The following ALPK1 variants were observed in gnomAD, a reference collection of about 807,000 sequenced individuals.
ALPK1 encodes the protein alpha-protein kinase 1.
ALPK1 carries 110 observed loss-of-function variants against 120.6 expected under a neutral mutation model. The ratio of observed to expected loss-of-function variants is 0.91; its 90% CI spans 0.78 to 1.07. The LOEUF (loss-of-function observed/expected upper bound fraction) is 1.07. ALPK1 is among the 50% of genes least tolerant of loss of function. The pLI is 0.00. For synonymous variants in ALPK1, 582 were observed against 560.3 expected, an observed-to-expected ratio of 1.04 and a Z score of -0.55; for missense variants, 1,498 against 1,483.9, an observed-to-expected ratio of 1.01 and a Z score of -0.16.
intron 4 of ALPK1, among the ~76,000 whole-genome samples, chr4:112,390,566 T>C (rs1162394121): frequency 2.0e-5 from 3 of 152,174 alleles, no homozygotes; most frequent in Admixed American, 6.5e-5. Context: ...TTAAAATGCA[T>C]ACCTTCAAAG....
chr4:112,312,770 T>A (rs963812512), intron 1 of ALPK1, among the ~76,000 whole-genome samples: 1 of 152,246 alleles, frequency 6.6e-6, no homozygotes, highest in African/African-American at 2.4e-5. Context: ...TTAGTTATTA[T>A]GCAACAGACA....
At chr4:112,347,552 G>A (rs1404705051) in intron 2 of ALPK1, among the ~76,000 whole-genome samples, 3 of 152,180 alleles carry the variant, frequency 2.0e-5, no homozygotes, top group African/African-American at 7.2e-5. Context: ...AACTCATCCT[G>A]TGGGTCAGAA....
intron 2 of ALPK1, among the ~76,000 whole-genome samples, chr4:112,363,162 A>G (rs943740766): frequency 1.3e-5 from 2 of 152,234 alleles, no homozygotes; most frequent in African/African-American, 4.8e-5. Context: ...CAGGACCTAT[A>G]AAACCGTAAC....
At position 112,441,029 on chromosome 4, in the gene ALPK1, C is replaced by A; in HGVS notation, c.3651C>A (p.Phe1217Leu). ...TTGGAAAGAGAGGAATTTTTTACTTCTTTAATAACCAGCATGTGGAATGTA... is the reference window on the plus strand; with the variant it reads ...TTGGAAAGAGAGGAATTTTTTACTTATTTAATAACCAGCATGTGGAATGTA... ...TNFGKRGIFY[F>L]FNNQHVECNE... The change falls in exon 15 of 16, where the codon TTC becomes TTA. Residue 1217 changes from phenylalanine (F) to leucine (L), a missense_variant. Transcript: ENST00000650871. The A allele has an allele frequency of 6.2e-7, 1 of 1,613,968 alleles. No individual in the cohort carries two copies. The highest frequency in any genetic ancestry group is 8.5e-7 in the Non-Finnish European group (1 of 1,179,912).
chr4:112,318,793 T>G (rs1159526445), intron 2 of ALPK1, among the ~76,000 whole-genome samples: 2 of 152,204 alleles, frequency 1.3e-5, no homozygotes, highest in Non-Finnish European at 2.9e-5. Flanking sequence ...CACAGTCTAC[T>G]GGGAGACAGT....
rs1247985216 is a variant in ALPK1 at position 112,441,943 on chromosome 4, ATGAAGAGATACC to A, written c.*737_*748del. On this transcript the variant is annotated 3_prime_UTR_variant, in exon 16 of 16. Transcript: ENST00000650871. Reference sequence around the variant, plus strand: ...TGTATTAATCCACTCTCACACTGCTATGAAGAGATACCTGAGACTGGGTAATTTAGAAAGAAA... The same window carrying A: ...TGTATTAATCCACTCTCACACTGCTATGAGACTGGGTAATTTAGAAAGAAA... 6.6e-6 allele frequency: 1 copy of A among 152,362 alleles called. No individual in the cohort carries two copies. Among genetic ancestry groups the A allele is most frequent in the Non-Finnish European group, 1.5e-5 (1 of 68,164 alleles). The allele number at this position is 152,362 out of a possible 1,614,324, so 9.4% of individuals were successfully genotyped here. A position where few individuals can be genotyped will look rare whatever the true frequency, so the allele number is the denominator to read the frequency against.
In ALPK1 at chr4:112,431,557, C is replaced by G; in HGVS notation, c.2010C>G (p.Pro670=). 1 of 1,614,202 alleles carries G rather than the reference C, an allele frequency of 6.2e-7. No individual in the cohort carries two copies. Among genetic ancestry groups the G allele is most frequent in the South Asian group, 1.1e-5 (1 of 91,082 alleles). The change falls in exon 11 of 16, where the codon CCC becomes CCG. Residue 670 remains proline, a synonymous_variant. Transcript: ENST00000650871. ...PSQNQPQQQM[P]LTPFSPHNTP... ...AAAATCAGCCACAGCAACAGATGCCCTTGACACCCTTCTCGCCTCATAATA... is the reference window on the plus strand; with the variant it reads ...AAAATCAGCCACAGCAACAGATGCCGTTGACACCCTTCTCGCCTCATAATA...
chr4:112,422,112 C>T (rs1386606404), intron 5 of ALPK1, among the ~76,000 whole-genome samples: 2 of 152,106 alleles, frequency 1.3e-5, no homozygotes, highest in African/African-American at 2.4e-5. Context: ...AGCATGGATC[C>T]GCTGGACAAA....
chr4:112,398,534 A>G (rs937226160), intron 4 of ALPK1, among the ~76,000 whole-genome samples: 1 of 152,220 alleles, frequency 6.6e-6, no homozygotes, highest in African/African-American at 2.4e-5. Flanking sequence ...CCTGGGCTCA[A>G]GTAATCCTCC....
intron 4 of ALPK1, among the ~76,000 whole-genome samples, chr4:112,404,078 C>T (rs1266617321): frequency 6.6e-6 from 1 of 152,242 alleles, no homozygotes; most frequent in African/African-American, 2.4e-5. Flanking sequence ...CGCTCATTTT[C>T]CTTTTCCTTT....
intron 2 of ALPK1, among the ~76,000 whole-genome samples, chr4:112,322,738 A>G (rs915302738): frequency 9.9e-5 from 15 of 152,232 alleles, no homozygotes; most frequent in Admixed American, 3.9e-4. Context: ...CTCAAATCAA[A>G]AAGGGGAAAT....
chr4:112,392,685 C>T (rs1279347683), intron 4 of ALPK1, among the ~76,000 whole-genome samples: 1 of 152,128 alleles, frequency 6.6e-6, no homozygotes, highest in African/African-American at 2.4e-5. Context: ...TGTCACCATG[C>T]CTGGCTAATT....
chr4:112,412,370 A>G (rs978642378), intron 5 of ALPK1: 5 of 492,096 alleles, frequency 1.0e-5, no homozygotes, highest in African/African-American at 1.9e-5. Context: ...TAAAAAGCAG[A>G]TTAGAATTCT....
At chr4:112,393,405 A>G (rs1732511017) in intron 4 of ALPK1, among the ~76,000 whole-genome samples, 1 of 152,236 alleles carries the variant, frequency 6.6e-6, no homozygotes, top group African/African-American at 2.4e-5. Context: ...AGAAAATAAC[A>G]AAACAAAAAC....
At chr4:112,303,629 G>C (rs924325698) in intron 1 of ALPK1, among the ~76,000 whole-genome samples, 1 of 152,014 alleles carries the variant, frequency 6.6e-6, no homozygotes, top group Admixed American at 6.6e-5. Context: ...ATTTGTATCA[G>C]ATCATGCTGT....
intron 1 of ALPK1, among the ~76,000 whole-genome samples, chr4:112,303,233 G>A (rs1727869358): frequency 6.6e-6 from 1 of 151,954 alleles, no homozygotes. Context: ...ATATATTAAA[G>A]GCCCTGCCAT....
Position 112,377,900 on chromosome 4 carries a change from T to A in ALPK1, c.121+2T>A. ...AGAGCGAGGACCAGCGCTGCAGAGG[T>A]GAGGTTCTGATGGGAGGCACCAGGG... On this transcript the variant is annotated splice_donor_variant, in intron 3 of 15. Coordinates refer to ENST00000650871, the MANE Select transcript of ALPK1 (RefSeq NM_025144.4). LOFTEE classifies it high-confidence loss of function. 6.2e-7 allele frequency: 1 copy of A among 1,603,116 alleles called. No individual in the cohort carries two copies.
intron 2 of ALPK1, among the ~76,000 whole-genome samples, chr4:112,371,463 C>T (rs1399771769): frequency 6.6e-6 from 1 of 152,224 alleles, no homozygotes; most frequent in African/African-American, 2.4e-5. Context: ...CTCTGTCTTT[C>T]ATTCCCTCTC....
In ALPK1 at chr4:112,439,823, T is replaced by C; in HGVS notation, c.3489T>C (p.His1163=). The C allele has an allele frequency of 6.2e-7, 1 of 1,611,276 alleles. No homozygotes were observed. Among genetic ancestry groups the C allele is most frequent in the Non-Finnish European group, 8.5e-7 (1 of 1,179,288 alleles). Residue 1163 remains histidine, a synonymous_variant, in exon 14 of 16, where the codon CAT becomes CAC. Coordinates refer to ENST00000650871, the MANE Select transcript of ALPK1 (RefSeq NM_025144.4). ...KATEYGLAYG[H]FSYEFSNHRD... Reference sequence around the variant, plus strand: ...CAGAATATGGCTTGGCCTATGGCCATTTTTCTTATGAGTTTTCTAATCATA... The same window carrying C: ...CAGAATATGGCTTGGCCTATGGCCACTTTTCTTATGAGTTTTCTAATCATA...
Sources: allele counts gnomAD v4.1 joint callset (sites outside exome capture counted in the v4.1 genomes callset), GRCh38; gene constraint gnomAD v4.1.1; transcripts MANE v1.5; gene names NCBI Gene and HGNC (gene_info 2026-07-23, HGNC 2026-07-21).